The following OVCH1 variants were observed in gnomAD, a reference collection of about 807,000 sequenced individuals.
OVCH1 encodes the protein ovochymase-1.
OVCH1 carries 139 observed loss-of-function variants against 138.4 expected under a neutral mutation model. That is an observed-to-expected ratio of 1.00 (90% CI 0.87 to 1.16). The LOEUF is 1.16. Ranked by LOEUF, OVCH1 falls within the 50% of genes most tolerant of loss-of-function variation. The pLI is 0.00. For synonymous variants in OVCH1, 453 were observed against 467.8 expected (o/e 0.97, Z 0.41); for missense variants, 1,367 against 1,357.9 (o/e 1.01, Z -0.11).
rs377669935 is a variant in OVCH1 at position 29,463,664 on chromosome 12, A to C, written c.2125+843T>G. ...GTTATGGGATCTCAGCAAGTTACTT[A>C]AATCTTTGGGTTACAACCTCTCCAT... On this transcript the variant is annotated intron_variant, in intron 18 of 27. Coordinates refer to ENST00000318184, the Ensembl canonical transcript of OVCH1. 2.5e-4 allele frequency among the ~76,000 whole-genome samples: 38 copies of C among 152,304 alleles called. No homozygotes were observed. In the East Asian group the frequency reaches 4.8e-3, roughly 19 times the overall value.
chr12:29,470,428 C>G (rs1942463748), intron 16 of OVCH1, among the ~76,000 whole-genome samples: 1 of 152,018 alleles, frequency 6.6e-6, no homozygotes, highest in Non-Finnish European at 1.5e-5. Flanking sequence ...TCCATGTGTT[C>G]TCATTGTTCA....
chr12:29,455,439 G>C lies in OVCH1; in HGVS notation c.2281-34C>G, dbSNP rs764234165. On this transcript the variant is annotated intron_variant, in intron 19 of 27. Coordinates refer to ENST00000318184, the Ensembl canonical transcript of OVCH1. ...CCAAGAAAACATGTTTTAGAAAACT[G>C]CTTTAATCTGAAGCTCCTGCTTTCA... The C allele has an allele frequency of 9.6e-6, 15 of 1,564,142 alleles. No homozygotes were observed. In the East Asian group the frequency reaches 3.2e-4, roughly 33 times the overall value.
intron 4 of OVCH1, 133 bp downstream of exon 4, chr12:29,495,152 C>CA: frequency 4.2e-6 from 4 of 947,886 alleles, no homozygotes; most frequent in Non-Finnish European, 6.2e-6. Flanking sequence ...ATAGACCGAA[C>CA]AAAATTATTT....
the OVCH1 span, among the ~76,000 whole-genome samples, chr12:29,406,574 T>A: frequency 2.0e-5 from 3 of 149,692 alleles, no homozygotes; most frequent in South Asian, 2.1e-4. Context: ...TTTGTTCTTG[T>A]GATAGTTTAC....
At chr12:29,425,727 G>A (rs1941170050), downstream of OVCH1, among the ~76,000 whole-genome samples, 1 of 152,048 alleles carries the variant, frequency 6.6e-6, no homozygotes, top group African/African-American at 2.4e-5. Flanking sequence ...CATGAGATTG[G>A]GTCTTAGCTC....
At chr12:29,439,347 T>C (rs201494633) in exon 26 of OVCH1, 190 of 1,555,412 alleles carry the variant, frequency 1.2e-4, no homozygotes, top group Non-Finnish European at 9.5e-5. Context: ...TTCCCATATA[T>C]GCATGATATA....
Position 29,486,240 on chromosome 12 carries a change from C to G in OVCH1, c.995+6G>C, listed in dbSNP as rs1943101432. 1 of 1,605,202 alleles carries G rather than the reference C, an allele frequency of 6.2e-7. No homozygotes were observed. The highest frequency in any genetic ancestry group is 1.1e-5 in the South Asian group (1 of 90,890). On this transcript the variant is annotated splice_donor_region_variant and intron_variant, in intron 8 of 27. Coordinates refer to ENST00000318184, the Ensembl canonical transcript of OVCH1. ...AGTCAGCTTCCTTCTCTAATTAGAACCACACATACCCTTTCCTCTCTGGCT... is the reference window on the plus strand; with the variant it reads ...AGTCAGCTTCCTTCTCTAATTAGAAGCACACATACCCTTTCCTCTCTGGCT...
downstream of OVCH1, among the ~76,000 whole-genome samples, chr12:29,407,540 C>T (rs985843926): frequency 6.7e-6 from 1 of 149,682 alleles, no homozygotes; most frequent in Non-Finnish European, 1.5e-5. Flanking sequence ...GCCAGTTTTC[C>T]CAGCACCATT....
intron 26 of OVCH1, among the ~76,000 whole-genome samples, chr12:29,435,673 G>T (rs1285428971): frequency 1.3e-5 from 2 of 152,080 alleles, no homozygotes; most frequent in African/African-American, 4.8e-5. Context: ...CTTAAAAAGG[G>T]TATTGGTAAT....
chr12:29,455,694 T>C (rs1037495326), intron 19 of OVCH1, among the ~76,000 whole-genome samples: 1 of 152,224 alleles, frequency 6.6e-6, no homozygotes. Context: ...CGGAGGGAGA[T>C]AGTCTTTAAA....
intron 3 of OVCH1, among the ~76,000 whole-genome samples, chr12:29,419,336 G>A (rs1433010627): frequency 2.9e-4 from 44 of 150,804 alleles, no homozygotes; most frequent in Non-Finnish European, 1.5e-5. Context: ...CACCCAGGCT[G>A]GAGTGCAGTG....
downstream of OVCH1, chr12:29,423,113 A>C: frequency 2.5e-6 from 1 of 407,906 alleles, no homozygotes; most frequent in Non-Finnish European, 4.8e-6. Flanking sequence ...AAACATTTTA[A>C]TGCAATTACT....
chr12:29,492,106 AG>A (rs1943289086), intron 4 of OVCH1, among the ~76,000 whole-genome samples: 1 of 152,198 alleles, frequency 6.6e-6, no homozygotes, highest in East Asian at 1.9e-4. Flanking sequence ...TCTGGAGATT[AG>A]GGAGAATGGC....
intron 8 of OVCH1, among the ~76,000 whole-genome samples, chr12:29,483,278 G>A (rs1331318846): frequency 6.6e-6 from 1 of 152,052 alleles, no homozygotes; most frequent in Non-Finnish European, 1.5e-5. Flanking sequence ...TAATAAAGGA[G>A]TTTCTTAAAC....
At chr12:29,413,655 G>T (rs945103797) in intron 3 of OVCH1, among the ~76,000 whole-genome samples, 17 of 124,550 alleles carry the variant, frequency 1.4e-4, no homozygotes, top group Middle Eastern at 4.1e-3. Context: ...ATGTGTCTGT[G>T]TGTATTACAC....
intron 19 of OVCH1, among the ~76,000 whole-genome samples, chr12:29,457,145 T>C (rs537033417): frequency 2.0e-5 from 3 of 152,290 alleles, no homozygotes; most frequent in East Asian, 3.9e-4. Context: ...CCTAATTTTT[T>C]CACATAACAA....
At chr12:29,486,014 G>A (rs1943095027) in intron 8 of OVCH1, among the ~76,000 whole-genome samples, 1 of 145,284 alleles carries the variant, frequency 6.9e-6, no homozygotes, top group Non-Finnish European at 1.5e-5. Flanking sequence ...ATAAATAAAT[G>A]GATACAGCTT....
chr12:29,488,097 T>C (rs1198508964), intron 6 of OVCH1, among the ~76,000 whole-genome samples: 4 of 152,160 alleles, frequency 2.6e-5, no homozygotes, highest in African/African-American at 9.7e-5. Context: ...AATCTCTTTA[T>C]ACCTATTGGC....
intron 26 of OVCH1, among the ~76,000 whole-genome samples, chr12:29,437,046 G>A (rs1302609902): frequency 1.3e-5 from 2 of 152,132 alleles, no homozygotes; most frequent in African/African-American, 2.4e-5. Flanking sequence ...GCTGATTGGT[G>A]CATTTACAAA....
Sources: gnomAD v4.1 joint callset for allele counts (sites outside exome capture counted in the v4.1 genomes callset) on GRCh38, gnomAD v4.1.1 for gene constraint, MANE v1.5 for transcripts, NCBI Gene and HGNC (gene_info 2026-07-23, HGNC 2026-07-21) for gene names.